Variants in ARHGAP31 observed in about 807,000 individuals in gnomAD.
The protein encoded by ARHGAP31 is Rho GTPase activating protein 31, also known as rho GTPase-activating protein 31.
Under a neutral mutation model 113.9 loss-of-function variants are expected in ARHGAP31, and 34 were observed. That is an observed-to-expected ratio of 0.30 (90% CI 0.23 to 0.40). ARHGAP31 has a LOEUF of 0.40. Among genes scored for constraint, ARHGAP31 ranks in the 10% least tolerant of loss-of-function variants. The pLI, the probability that ARHGAP31 is intolerant of heterozygous loss-of-function variation, is 1.00. For missense variants in ARHGAP31, 1,548 were observed against 1,767.1 expected (o/e 0.88, Z 2.22); for synonymous variants, 650 against 684.8 (o/e 0.95, Z 0.79).
At chr3:119,331,877 T>C (rs2079894349) in intron 1 of ARHGAP31, among the ~76,000 whole-genome samples, 1 of 152,160 alleles carries the variant, frequency 6.6e-6, no homozygotes, top group Non-Finnish European at 1.5e-5. Context: ...TCTGCTCAGC[T>C]TCTGCAGGGC....
chr3:119,341,625 C>G (rs2080008857), intron 1 of ARHGAP31, among the ~76,000 whole-genome samples: 1 of 152,096 alleles, frequency 6.6e-6, no homozygotes, highest in African/African-American at 2.4e-5. Context: ...AACAGTATGA[C>G]TCCTATCTTC....
intron 1 of ARHGAP31, among the ~76,000 whole-genome samples, chr3:119,321,998 A>G (rs1171859141): frequency 6.6e-6 from 1 of 152,208 alleles, no homozygotes; most frequent in Non-Finnish European, 1.5e-5. Flanking sequence ...CCCTGCCTCC[A>G]TTACTGGACA....
Position 119,295,022 on chromosome 3 carries a change from T to G in ARHGAP31, c.100+18T>G. ...ACAGGATGGTAATGTGCCTTGGCCT[T>G]TCTCCCCCGCCCCCACCTTCTTTTT... On this transcript the variant is annotated intron_variant, in intron 1 of 11. Transcript: ENST00000264245. 1 of 1,610,726 alleles carries G rather than the reference T, an allele frequency of 6.2e-7. No homozygotes were observed. Among genetic ancestry groups the G allele is most frequent in the Non-Finnish European group, 8.5e-7 (1 of 1,177,098 alleles).
In ARHGAP31 at chr3:119,413,707, A is replaced by G. The variant is rs4687855; in HGVS notation, c.1927-149A>G. The G allele has an allele frequency of 0.79, 838,889 of 1,057,622 alleles. 331,509 individuals are homozygous for G. Among genetic ancestry groups the G allele is most frequent in the East Asian group, 0.89 (35,254 of 39,698 alleles). The allele number at this position is 1,057,622 out of a possible 1,614,324, so 65.5% of individuals were successfully genotyped here. A position where few individuals can be genotyped will look rare whatever the true frequency, so the allele number is the denominator to read the frequency against. ...TGTGATGGTGCATGGTGAGCACTCA[A>G]ATAGCCACAGGTATTATCGGTGCTG... On this transcript the variant is annotated intron_variant, in intron 11 of 11. Transcript: ENST00000264245.
chr3:119,345,809 G>A (rs771435986), intron 1 of ARHGAP31, among the ~76,000 whole-genome samples: 16 of 152,272 alleles, frequency 1.1e-4, no homozygotes, highest in Admixed American at 2.6e-4. Context: ...GTGAGAGAGG[G>A]CCATTCAATG....
At chr3:119,348,721 T>C (rs764884469) in intron 1 of ARHGAP31, among the ~76,000 whole-genome samples, 2 of 152,188 alleles carry the variant, frequency 1.3e-5, no homozygotes, top group Admixed American at 6.5e-5. Flanking sequence ...TAGGGAATAA[T>C]GACAAGAGAA....
chr3:119,364,804 A>G (rs1025388477), intron 1 of ARHGAP31, among the ~76,000 whole-genome samples: 1 of 152,190 alleles, frequency 6.6e-6, no homozygotes, highest in African/African-American at 2.4e-5. Flanking sequence ...TAAAAAAAAC[A>G]ATTCTTGGCC....
intron 7 of ARHGAP31, among the ~76,000 whole-genome samples, chr3:119,391,590 C>A (rs2080503796): frequency 1.6e-5 from 1 of 62,092 alleles, no homozygotes; most frequent in South Asian, 6.9e-4. Flanking sequence ...TGGGTCTCTA[C>A]CCCCCCCTCC....
At chr3:119,351,702 T>A (rs2107616918) in intron 1 of ARHGAP31, among the ~76,000 whole-genome samples, 1 of 152,290 alleles carries the variant, frequency 6.6e-6, no homozygotes, top group Non-Finnish European at 1.5e-5. Flanking sequence ...TAGTGAAGCA[T>A]ACAGTTCAAG....
intron 1 of ARHGAP31, among the ~76,000 whole-genome samples, chr3:119,329,558 G>T (rs1180544441): frequency 6.6e-6 from 1 of 152,162 alleles, no homozygotes; most frequent in African/African-American, 2.4e-5. Flanking sequence ...TCTCTTTCTA[G>T]TTTTCTCCCC....
intron 1 of ARHGAP31, among the ~76,000 whole-genome samples, chr3:119,338,710 AT>A (rs2079980473): frequency 6.6e-6 from 1 of 152,040 alleles, no homozygotes; most frequent in South Asian, 2.1e-4. Flanking sequence ...TTTTAGTTTT[AT>A]TTTAAAACTA....
intron 3 of ARHGAP31, among the ~76,000 whole-genome samples, chr3:119,372,042 C>T (rs543535123): frequency 6.6e-6 from 1 of 152,304 alleles, no homozygotes; most frequent in African/African-American, 2.4e-5. Context: ...TGTGTCTTTG[C>T]TATTGCGAAT....
intron 7 of ARHGAP31, among the ~76,000 whole-genome samples, chr3:119,391,267 T>C (rs1375555980): frequency 6.6e-6 from 1 of 152,192 alleles, no homozygotes; most frequent in Non-Finnish European, 1.5e-5. Context: ...TCACAAGTCA[T>C]GACTGAAATT....
chr3:119,383,183 T>C lies in ARHGAP31; in HGVS notation c.639T>C (p.Asp213=), dbSNP rs1010784829. Residue 213 remains aspartate (D), a synonymous_variant, in exon 6 of 12, where the codon GAT becomes GAC. Transcript: ENST00000264245. ...TTGAGTTCATATTGAATCATGTAGA[T>C]CAAATCTTTAACAACGGTGCACCTG... ...VVIEFILNHV[D]QIFNNGAPGS... The C allele has an allele frequency of 1.5e-5, 25 of 1,614,042 alleles. No homozygotes were observed. Among genetic ancestry groups the C allele is most frequent in the Admixed American group, 3.3e-5 (2 of 60,000 alleles).
intron 6 of ARHGAP31, 92 bp from the exon 7 acceptor site, chr3:119,390,693 G>A (rs1180711731): frequency 1.4e-6 from 2 of 1,390,300 alleles, no homozygotes; most frequent in Non-Finnish European, 2.0e-6. Context: ...CCCCATCATA[G>A]GATCAAGAAT....
chr3:119,326,908 C>T (rs1343872011), intron 1 of ARHGAP31, among the ~76,000 whole-genome samples: 1 of 152,158 alleles, frequency 6.6e-6, no homozygotes, highest in Non-Finnish European at 1.5e-5. Context: ...GAGGCCAAGG[C>T]AGGTGGATCA....
intron 9 of ARHGAP31, among the ~76,000 whole-genome samples, chr3:119,401,170 C>A (rs1420960717): frequency 7.7e-4 from 102 of 131,704 alleles, no homozygotes; most frequent in African/African-American, 8.5e-4. Context: ...TACTCCATCT[C>A]AAAAAAAAAA....
Position 119,402,214 on chromosome 3 carries a change from G to C in ARHGAP31, c.1462G>C (p.Glu488Gln), listed in dbSNP as rs1010908062. The change falls in exon 10 of 12, where the codon GAG becomes CAG. Residue 488 changes from glutamate to glutamine, a missense_variant. Transcript: ENST00000264245. ...CCAGCGCAAGGCGCTGAACATCTCC[G>C]AGCCCTTTGCGGTATCTGTGCCGCT... is the stretch of plus-strand genomic sequence containing the variant. Reference protein sequence around the residue: ...RNQRKALNISEPFAVSVPLRV... With the variant: ...RNQRKALNISQPFAVSVPLRV... 1.7e-5 allele frequency: 28 copies of C among 1,614,132 alleles called. No homozygotes were observed. The highest frequency in any genetic ancestry group is 2.4e-5 in the Non-Finnish European group (28 of 1,180,054).
At chr3:119,305,693 G>A (rs974763939) in intron 1 of ARHGAP31, among the ~76,000 whole-genome samples, 6 of 152,164 alleles carry the variant, frequency 3.9e-5, no homozygotes, top group African/African-American at 1.4e-4. Flanking sequence ...CCTTTGTTTG[G>A]CTAATAGCTA....
Sources: gnomAD v4.1 joint callset for allele counts (sites outside exome capture counted in the v4.1 genomes callset) on GRCh38, gnomAD v4.1.1 for gene constraint, MANE v1.5 for transcripts, NCBI Gene and HGNC (gene_info 2026-07-23, HGNC 2026-07-21) for gene names.